The following ANOS1 variants were observed in gnomAD, a reference collection of about 807,000 sequenced individuals.
ANOS1 encodes anosmin-1.
A neutral mutation model predicts 59.0 loss-of-function variants in ANOS1; 6 were observed. The ratio of observed to expected loss-of-function variants is 0.10; its 90% CI spans 0.06 to 0.20. ANOS1 has a LOEUF of 0.20. Among genes scored for constraint, ANOS1 ranks in the 10% least tolerant of loss-of-function variants. The pLI, the probability that ANOS1 is intolerant of heterozygous loss-of-function variation, is 1.00. For synonymous variants in ANOS1, 217 were observed against 223.4 expected (o/e 0.97, Z 0.25); for missense variants, 433 against 542.3 (o/e 0.80, Z 2.00).
chrX:8,558,280 C>T (rs951221835), intron 8 of ANOS1, among the ~76,000 whole-genome samples: 5 of 111,047 alleles, frequency 4.5e-5, no homozygotes, highest in African/African-American at 1.6e-4. Flanking sequence ...TGTTAACAAA[C>T]CTGCATGTTC....
chrX:8,624,011 C>CTTTTTTTTTT (rs566769185), intron 2 of ANOS1, among the ~76,000 whole-genome samples: 140 of 69,306 alleles, frequency 2.0e-3, no homozygotes, highest in East Asian at 5.2e-3. Context: ...CTTTTCTTTT[C>CTTTTTTTTTT]TTTTTTTTTT....
At chrX:8,621,149 T>A (rs1160324302) in intron 3 of ANOS1, among the ~76,000 whole-genome samples, 1 of 110,964 alleles carries the variant, frequency 9.0e-6, no homozygotes, top group East Asian at 2.8e-4. Context: ...GCGGATCACT[T>A]GAGGCCAAGA....
At chrX:8,729,450 G>A (rs1488944352) in intron 1 of ANOS1, among the ~76,000 whole-genome samples, 2 of 91,029 alleles carry the variant, frequency 2.2e-5, no homozygotes, top group Admixed American at 1.3e-4. Context: ...CCAGGCTGGA[G>A]TGCAGTGGTG....
Position 8,570,588 on chromosome X carries a change from C to T in ANOS1, c.973G>A (p.Val325Met), listed in dbSNP as rs768743173. Reference protein sequence around the residue: ...WDLPEEPDIPVHHYKVFWSWM... With the variant: ...WDLPEEPDIPMHHYKVFWSWM... ...CTCCAAAAGACCTTGTAATGATGCA[C>T]AGGGATGTCCGGCTCCTCGGGGAGA... Residue 325 changes from valine to methionine, a missense_variant, in exon 7 of 14, where the codon GTG becomes ATG. Physicochemically the swap from Val to Met is conservative, Grantham distance 21 (BLOSUM62 1). Coordinates refer to ENST00000262648, the MANE Select transcript of ANOS1 (RefSeq NM_000216.4). The T allele has an allele frequency of 2.5e-6, 3 of 1,209,167 alleles. No homozygotes were observed. The highest frequency in any genetic ancestry group is 3.0e-5 in the East Asian group (1 of 33,745).
chrX:8,614,032 A>G (rs5934462), intron 3 of ANOS1, among the ~76,000 whole-genome samples: 42,108 of 110,510 alleles, frequency 0.38, 5,779 homozygotes, highest in South Asian at 0.43. Flanking sequence ...TAGATGATTC[A>G]TGTGCGTGAC....
intron 9 of ANOS1, among the ~76,000 whole-genome samples, chrX:8,547,862 A>G (rs1929794298): frequency 2.7e-5 from 3 of 110,875 alleles, no homozygotes; most frequent in Admixed American, 9.6e-5. Context: ...GACTACAGGC[A>G]TGCACCCCCA....
chrX:8,695,280 C>T (rs1932667720), intron 2 of ANOS1, among the ~76,000 whole-genome samples: 1 of 111,955 alleles, frequency 8.9e-6, no homozygotes, highest in Non-Finnish European at 1.9e-5. Flanking sequence ...CCACTGCACT[C>T]CAGCTTGGCA....
rs1929475796 is a variant in ANOS1, at chrX:8,530,245, T to C, written c.*2750A>G. On this transcript the variant is annotated 3_prime_UTR_variant, in exon 14 of 14. Coordinates refer to ENST00000262648, the MANE Select transcript of ANOS1 (RefSeq NM_000216.4). ...CAATGTATGTCAGATTAACCACCTG[T>C]ATTTGATGACAATATTTTTGATGAG... is the stretch of plus-strand genomic sequence containing the variant. 1 of 111,976 alleles carries C rather than the reference T, an allele frequency of 8.9e-6. No individual in the cohort carries two copies. The highest frequency in any genetic ancestry group is 3.2e-5 in the African/African-American group (1 of 30,869). 9.2% of individuals were successfully genotyped at this position (111,976 alleles called of 1,213,427 possible). A position where few individuals can be genotyped will look rare whatever the true frequency, so the allele number is the denominator to read the frequency against.
At chrX:8,703,322 A>G (rs919486404) in intron 1 of ANOS1, among the ~76,000 whole-genome samples, 1 of 112,184 alleles carries the variant, frequency 8.9e-6, no homozygotes, top group Non-Finnish European at 1.9e-5. Flanking sequence ...CTGGGGTTCC[A>G]AAAGTAGGCA....
At chrX:8,672,358 A>T (rs968151262) in intron 2 of ANOS1, among the ~76,000 whole-genome samples, 2 of 112,031 alleles carry the variant, frequency 1.8e-5, no homozygotes, top group Admixed American at 9.5e-5. Flanking sequence ...CCATGGTCTG[A>T]TGCTGAGGAC....
At chrX:8,576,465 T>TACAC (rs1569053436) in intron 6 of ANOS1, among the ~76,000 whole-genome samples, 12 of 95,418 alleles carry the variant, frequency 1.3e-4, no homozygotes, top group African/African-American at 5.4e-4. Flanking sequence ...TATATATATA[T>TACAC]ATACACACAC....
At chrX:8,624,443 G>C (rs1158527603) in intron 2 of ANOS1, among the ~76,000 whole-genome samples, 2 of 111,818 alleles carry the variant, frequency 1.8e-5, no homozygotes, top group Non-Finnish European at 3.8e-5. Context: ...AAAATGCATT[G>C]TATTAAATTT....
intron 2 of ANOS1, among the ~76,000 whole-genome samples, chrX:8,651,977 C>T (rs141233512): frequency 0.03 from 3,362 of 111,484 alleles, 79 homozygotes; most frequent in African/African-American, 0.084. Context: ...CAGAGCCTCA[C>T]GGTGTCACCC....
intron 9 of ANOS1, among the ~76,000 whole-genome samples, chrX:8,542,097 A>C: frequency 9.7e-6 from 1 of 103,605 alleles, no homozygotes; most frequent in Non-Finnish European, 2.0e-5. Flanking sequence ...AGTTCACTGC[A>C]CTTTCATCTT....
chrX:8,539,461 T>A (rs1050230589), intron 10 of ANOS1, among the ~76,000 whole-genome samples: 9 of 110,623 alleles, frequency 8.1e-5, no homozygotes, highest in African/African-American at 3.0e-4. Flanking sequence ...TCCATGTGGA[T>A]AACAGAGTAA....
At chrX:8,619,072 A>C (rs1338507413) in intron 3 of ANOS1, among the ~76,000 whole-genome samples, 1 of 19,215 alleles carries the variant, frequency 5.2e-5, no homozygotes, top group African/African-American at 2.2e-4. Context: ...ACCTCTCTCA[A>C]AAAAAAAAAA....
chrX:8,536,187 G>GTTTTTTTTTT (rs1569252182), intron 11 of ANOS1, among the ~76,000 whole-genome samples: 14 of 31,989 alleles, frequency 4.4e-4, no homozygotes, highest in Non-Finnish European at 8.2e-4. Context: ...TAAATCCGAA[G>GTTTTTTTTTT]CTTTTTTTTT....
intron 12 of ANOS1, chrX:8,535,270 A>C: frequency 3.6e-6 from 1 of 278,738 alleles, no homozygotes; most frequent in Non-Finnish European, 6.4e-6. Flanking sequence ...GGGCATGTTC[A>C]CTTGGACCAG....
intron 1 of ANOS1, among the ~76,000 whole-genome samples, chrX:8,723,372 A>C (rs930523431): frequency 8.9e-6 from 1 of 112,442 alleles, no homozygotes; most frequent in Non-Finnish European, 1.9e-5. Flanking sequence ...AGAAGAAAAA[A>C]CAAGCAATCC....
Sources: gnomAD v4.1 joint callset for allele counts (sites outside exome capture counted in the v4.1 genomes callset) on GRCh38, gnomAD v4.1.1 for gene constraint, MANE v1.5 for transcripts, NCBI Gene and HGNC (gene_info 2026-07-23, HGNC 2026-07-21) for gene names.